Variants in ACACA observed in about 807,000 individuals in gnomAD.
ACACA encodes the protein acetyl-CoA carboxylase alpha.
Under a neutral mutation model 296.1 loss-of-function variants are expected in ACACA, and 103 were observed. The observed-to-expected ratio is 0.35, with a 90% confidence interval of 0.30 to 0.41. ACACA has a LOEUF of 0.41. Ranked by LOEUF, ACACA falls within the 10% of genes least tolerant of loss-of-function variation. The pLI, the probability that ACACA is intolerant of heterozygous loss-of-function variation, is 1.00. For missense variants in ACACA, 1,554 were observed against 2,989.7 expected (o/e 0.52, Z 11.20); for synonymous variants, 953 against 1,038.6 (o/e 0.92, Z 1.58).
intron 39 of ACACA, among the ~76,000 whole-genome samples, chr17:37,182,792 T>A (rs1198297228): frequency 6.6e-6 from 1 of 152,236 alleles, no homozygotes; most frequent in Non-Finnish European, 1.5e-5. Flanking sequence ...TAGAATTAAG[T>A]ACCTTCCTAA....
intron 3 of ACACA, among the ~76,000 whole-genome samples, chr17:37,311,005 G>GA (rs1214425568): frequency 2.6e-5 from 4 of 152,058 alleles, no homozygotes. Flanking sequence ...TGTGTTTCAA[G>GA]AAAAAAGTAG....
chr17:37,277,178 G>T, intron 6 of ACACA, 64 bp from the exon 7 acceptor site: 1 of 1,434,834 alleles, frequency 7.0e-7, no homozygotes, highest in African/African-American at 1.4e-5. Context: ...AACTGCAAGA[G>T]TCTCTATCCA....
intron 45 of ACACA, among the ~76,000 whole-genome samples, chr17:37,148,443 A>G (rs1400076618): frequency 6.6e-6 from 1 of 152,230 alleles, no homozygotes; most frequent in African/African-American, 2.4e-5. Flanking sequence ...GAATGCACAG[A>G]GCAAGCTGAT....
chr17:37,242,777 G>A (rs1377335179), intron 22 of ACACA, among the ~76,000 whole-genome samples: 2 of 151,598 alleles, frequency 1.3e-5, no homozygotes, highest in African/African-American at 4.8e-5. Flanking sequence ...GGTGGCTCAC[G>A]CCTGTAATCC....
At position 37,089,077 on chromosome 17, in the gene ACACA, G is replaced by GCAAA. The variant is rs769972594; in HGVS notation, c.6892-7_6892-4dup. ...TTATTATTGTCCCAAACATAAGCCT[G>GCAAA]CAAACAGATGACTCTTGGTCAAACA... On this transcript the variant is annotated splice_region_variant and splice_polypyrimidine_tract_variant and intron_variant, in intron 54 of 55. Transcript: ENST00000616317. The GCAAA allele has an allele frequency of 2.6e-5, 42 of 1,614,154 alleles. No homozygotes were observed. The highest frequency in any genetic ancestry group is 2.3e-4 in the African/African-American group (17 of 75,058).
At chr17:37,115,763 G>A (rs1214149148) in intron 50 of ACACA, among the ~76,000 whole-genome samples, 3 of 152,112 alleles carry the variant, frequency 2.0e-5, no homozygotes, top group Non-Finnish European at 4.4e-5. Context: ...TGAAATGGAC[G>A]TGGGCTCCTT....
intron 1 of ACACA, chr17:37,376,061 T>C (rs1469974523): frequency 6.3e-7 from 1 of 1,585,776 alleles, no homozygotes. Flanking sequence ...TGAGCAGTGG[T>C]CTGTCTGCAA....
At chr17:37,192,719 T>C (rs2077812408) in intron 36 of ACACA, among the ~76,000 whole-genome samples, 1 of 152,184 alleles carries the variant, frequency 6.6e-6, no homozygotes, top group African/African-American at 2.4e-5. Context: ...TCTAAAAATT[T>C]TCTCACTTAT....
chr17:37,301,270 A>C (rs1426226925), intron 3 of ACACA: 1 of 684,858 alleles, frequency 1.5e-6, no homozygotes. Flanking sequence ...TGCTGCTCAC[A>C]ATCTTTCTCT....
At chr17:37,405,795 G>A (rs1487117194) in intron 1 of ACACA, among the ~76,000 whole-genome samples, 1 of 143,326 alleles carries the variant, frequency 7.0e-6, no homozygotes, top group Admixed American at 7.3e-5. Context: ...CCTGTGATCC[G>A]CCCGCCTCGG....
At chr17:37,133,490 A>G (rs2075196999) in intron 45 of ACACA, among the ~76,000 whole-genome samples, 1 of 152,202 alleles carries the variant, frequency 6.6e-6, no homozygotes, top group Admixed American at 6.5e-5. Context: ...TGATCATGCT[A>G]TAACAGTTAC....
chr17:37,293,677 G>T (rs2083187899), intron 3 of ACACA, among the ~76,000 whole-genome samples: 1 of 151,848 alleles, frequency 6.6e-6, no homozygotes, highest in East Asian at 1.9e-4. Context: ...CAGTAGCTGG[G>T]ATTACAGGCA....
intron 12 of ACACA, 113 bp from the exon 13 acceptor site, chr17:37,258,486 C>T (rs1200268435): frequency 1.2e-5 from 12 of 989,634 alleles, no homozygotes; most frequent in Non-Finnish European, 1.9e-5. Context: ...CTAAAACATT[C>T]TATTTTTATA....
chr17:37,254,085 A>C (rs1363962208), intron 14 of ACACA, among the ~76,000 whole-genome samples: 1 of 151,972 alleles, frequency 6.6e-6, no homozygotes, highest in East Asian at 1.9e-4. Context: ...ACAAATACTA[A>C]TTATGTACCT....
At chr17:37,322,235 GCAA>G (rs2047389180) in intron 3 of ACACA, among the ~76,000 whole-genome samples, 1 of 152,082 alleles carries the variant, frequency 6.6e-6, no homozygotes, top group Admixed American at 6.6e-5. Flanking sequence ...TCCTTCCAAA[GCAA>G]CAACTATTGT....
intron 39 of ACACA, among the ~76,000 whole-genome samples, chr17:37,182,004 T>C (rs960965518): frequency 3.3e-5 from 5 of 149,410 alleles, no homozygotes; most frequent in African/African-American, 9.9e-5. Flanking sequence ...CTAAAGTGAG[T>C]TGAATCTCAT....
At chr17:37,369,318 G>A (rs542619799) in intron 1 of ACACA, 1 of 152,162 alleles carries the variant, frequency 6.6e-6, no homozygotes, top group South Asian at 2.1e-4. Context: ...AGCATAGGGA[G>A]ACCCTATCTC....
At chr17:37,171,273 G>A (rs2076873338) in intron 41 of ACACA, among the ~76,000 whole-genome samples, 2 of 152,124 alleles carry the variant, frequency 1.3e-5, no homozygotes. Flanking sequence ...AAGAATCCAA[G>A]CATGTTAGCG....
At chr17:37,221,892 GA>G (rs2079310239) in intron 28 of ACACA, 50 bp from the exon 29 acceptor site, 1 of 1,485,394 alleles carries the variant, frequency 6.7e-7, no homozygotes, top group South Asian at 1.1e-5. Flanking sequence ...CAGAAATTAA[GA>G]AAATAGCCCA....
Sources: allele counts gnomAD v4.1 joint callset (sites outside exome capture counted in the v4.1 genomes callset), GRCh38; gene constraint gnomAD v4.1.1; transcripts MANE v1.5; gene names NCBI Gene and HGNC (gene_info 2026-07-23, HGNC 2026-07-21).